AKAP19: variants seen among roughly 807,000 people sequenced by gnomAD.
AKAP19 encodes the protein A-kinase anchoring protein 19, also known as small A-kinase anchoring protein.
chr2:190,169,836 T>C, the AKAP19 span, among the ~76,000 whole-genome samples: 3 of 152,340 alleles, frequency 2.0e-5, no homozygotes, highest in East Asian at 5.8e-4. Context: ...GCAAGACTTA[T>C]CAGATGTGAT....
chr2:190,199,208 G>C, the AKAP19 span, among the ~76,000 whole-genome samples: 3 of 152,132 alleles, frequency 2.0e-5, no homozygotes, highest in African/African-American at 7.2e-5. Flanking sequence ...TCAGGACTCA[G>C]CAAACATTTT....
the AKAP19 span, among the ~76,000 whole-genome samples, chr2:190,077,662 A>G: frequency 1.1e-3 from 167 of 152,134 alleles, 3 homozygotes; most frequent in South Asian, 0.034. Flanking sequence ...TCCCCTTAGT[A>G]AGTCTAGTAA....
the AKAP19 span, among the ~76,000 whole-genome samples, chr2:190,047,631 A>G: frequency 5.9e-5 from 9 of 152,346 alleles, no homozygotes; most frequent in East Asian, 1.7e-3. Context: ...TCTTGAACTC[A>G]ATGAATGGGT....
the AKAP19 span, among the ~76,000 whole-genome samples, chr2:190,163,717 G>A: frequency 1.3e-5 from 2 of 152,196 alleles, no homozygotes; most frequent in African/African-American, 4.8e-5. Flanking sequence ...TACATAAAAT[G>A]TAGTAGGAAG....
At chr2:190,174,638 T>G in the AKAP19 span, among the ~76,000 whole-genome samples, 4 of 152,176 alleles carry the variant, frequency 2.6e-5, no homozygotes, top group African/African-American at 9.7e-5. Context: ...TGACTCATAC[T>G]GAAAGGCACA....
At chr2:189,911,443 T>A in the AKAP19 span, among the ~76,000 whole-genome samples, 1 of 152,122 alleles carries the variant, frequency 6.6e-6, no homozygotes, top group Non-Finnish European at 1.5e-5. Flanking sequence ...AGCTGTAATT[T>A]ATTATTTGAT....
At chr2:190,177,766 G>A in the AKAP19 span, among the ~76,000 whole-genome samples, 1 of 152,190 alleles carries the variant, frequency 6.6e-6, no homozygotes, top group African/African-American at 2.4e-5. This position sits in a 1 kb window ranked among gnomAD's most constrained non-coding sequence, Gnocchi z 4.6. Flanking sequence ...GTATGTGAGT[G>A]CCTTGATTTG....
chr2:190,042,438 A>G, the AKAP19 span, among the ~76,000 whole-genome samples: 3 of 149,476 alleles, frequency 2.0e-5, no homozygotes, highest in Non-Finnish European at 4.5e-5. Context: ...GGTGTATTTT[A>G]TTAATTTTTT....
the AKAP19 span, among the ~76,000 whole-genome samples, chr2:190,121,294 G>A: frequency 6.6e-6 from 1 of 151,780 alleles, no homozygotes; most frequent in Non-Finnish European, 1.5e-5. Flanking sequence ...TTAATTTTTT[G>A]TAAGGACAGG....
At chr2:190,194,080 G>T in the AKAP19 span, among the ~76,000 whole-genome samples, 1 of 151,948 alleles carries the variant, frequency 6.6e-6, no homozygotes, top group East Asian at 1.9e-4. Flanking sequence ...AATATATGAG[G>T]CTTTTCTAGA....
At chr2:190,113,504 C>T in the AKAP19 span, among the ~76,000 whole-genome samples, 2 of 152,082 alleles carry the variant, frequency 1.3e-5, no homozygotes, top group Non-Finnish European at 2.9e-5. Flanking sequence ...GTCTCAACTG[C>T]ACTATGGATC....
At chr2:190,034,474 G>A in the AKAP19 span, among the ~76,000 whole-genome samples, 1 of 120,656 alleles carries the variant, frequency 8.3e-6, no homozygotes, top group Non-Finnish European at 1.6e-5. Context: ...GTGTTCCAGG[G>A]AAAAGTAGGG....
the AKAP19 span, among the ~76,000 whole-genome samples, chr2:190,088,621 A>G: frequency 6.6e-6 from 1 of 151,060 alleles, no homozygotes; most frequent in South Asian, 2.1e-4. Flanking sequence ...AAGGCTAAAG[A>G]AAAAAAAAGT....
the AKAP19 span, among the ~76,000 whole-genome samples, chr2:189,907,734 T>C: frequency 6.6e-6 from 1 of 152,026 alleles, no homozygotes; most frequent in East Asian, 1.9e-4. Context: ...TAATTTAAAA[T>C]TTTCATTATA....
the AKAP19 span, among the ~76,000 whole-genome samples, chr2:189,972,846 T>C: frequency 9.9e-5 from 15 of 152,244 alleles, no homozygotes; most frequent in Middle Eastern, 3.2e-3. Flanking sequence ...TCCTGAGACC[T>C]TGCTAAAGTT....
At chr2:190,068,153 C>T in the AKAP19 span, among the ~76,000 whole-genome samples, 1 of 152,136 alleles carries the variant, frequency 6.6e-6, no homozygotes, top group African/African-American at 2.4e-5. Flanking sequence ...GTCCCCTCCT[C>T]GATTATTACA....
chr2:190,184,767 G>A, the AKAP19 span, among the ~76,000 whole-genome samples: 1 of 152,150 alleles, frequency 6.6e-6, no homozygotes, highest in Non-Finnish European at 1.5e-5. Flanking sequence ...AGGAGGACTA[G>A]GAGTAGGAAA....
the AKAP19 span, among the ~76,000 whole-genome samples, chr2:189,976,987 C>T: frequency 6.6e-6 from 1 of 152,152 alleles, no homozygotes; most frequent in African/African-American, 2.4e-5. Context: ...CACTGTCCTG[C>T]ACCCACTGTC....
chr2:189,988,296 G>A, the AKAP19 span, among the ~76,000 whole-genome samples: 1 of 152,176 alleles, frequency 6.6e-6, no homozygotes, highest in Non-Finnish European at 1.5e-5. Context: ...AAACTTTGAT[G>A]TAGTTACTGG....
Sources: allele counts gnomAD v4.1 joint callset (sites outside exome capture counted in the v4.1 genomes callset), GRCh38; gene constraint gnomAD v4.1.1; non-coding constraint Gnocchi (gnomAD v3.1); transcripts MANE v1.5; gene names NCBI Gene and HGNC (gene_info 2026-07-23, HGNC 2026-07-21).